GATAD2A: variants seen among roughly 807,000 people sequenced by gnomAD.
GATAD2A encodes GATA zinc finger domain containing 2A, also known as transcriptional repressor p66-alpha.
In GATAD2A, 12 loss-of-function variants were observed where a neutral mutation model predicts 68.5. That is an observed-to-expected ratio of 0.18 (90% confidence interval 0.11 to 0.28). The LOEUF is 0.28. Among genes scored for constraint, GATAD2A ranks in the 10% least tolerant of loss-of-function variants. GATAD2A has a pLI of 1.00. For synonymous variants in GATAD2A, 410 were observed against 375.3 expected, an observed-to-expected ratio of 1.09 and a Z score of -1.07; for missense variants, 755 against 868.5, an observed-to-expected ratio of 0.87 and a Z score of 1.64.
intron 2 of GATAD2A, among the ~76,000 whole-genome samples, chr19:19,487,434 G>T (rs1052920956): frequency 6.6e-6 from 1 of 152,056 alleles, no homozygotes; most frequent in Admixed American, 6.5e-5. Flanking sequence ...ATCTTCATAG[G>T]GGGGTGGGGT....
chr19:19,436,774 G>A (rs1019434742), intron 1 of GATAD2A, among the ~76,000 whole-genome samples: 1 of 152,216 alleles, frequency 6.6e-6, no homozygotes, highest in African/African-American at 2.4e-5. Flanking sequence ...GGTCAGCGAC[G>A]TTTTGGCCCA....
intron 2 of GATAD2A, among the ~76,000 whole-genome samples, chr19:19,487,887 G>A (rs565097556): frequency 2.4e-4 from 36 of 152,184 alleles, no homozygotes; most frequent in Non-Finnish European, 4.7e-4. Flanking sequence ...CACACAGCCA[G>A]CAGCCCACCC....
chr19:19,490,270 A>G (rs1374474507), intron 2 of GATAD2A, among the ~76,000 whole-genome samples: 5 of 152,150 alleles, frequency 3.3e-5, no homozygotes, highest in African/African-American at 1.2e-4. Flanking sequence ...GAGAGCAAGT[A>G]AAGCGGTTCC....
chr19:19,501,245 A>G lies in GATAD2A; in HGVS notation c.1332A>G (p.Thr444=), dbSNP rs763325116. Residue 444 remains threonine (T), a synonymous_variant, in exon 9 of 12, where the codon ACA becomes ACG. Coordinates refer to ENST00000683918, the MANE Select transcript of GATAD2A (RefSeq NM_001384528.1). The part of the protein sequence containing the change: ...SGAIMCENCM[T]TNQKKALKVE... The stretch of plus-strand genomic sequence containing the variant: ...CCATCATGTGTGAGAACTGCATGAC[A>G]ACCAACCAGAAGAAGGCGCTCAAGG... 6 of 1,613,460 alleles carry G rather than the reference A, an allele frequency of 3.7e-6. No individual in the cohort carries two copies. The South Asian group carries it at 5.5e-5, about 15-fold the overall frequency.
intron 2 of GATAD2A, 49 bp downstream of exon 2, chr19:19,465,663 A>C (rs768748226): frequency 9.0e-6 from 14 of 1,547,202 alleles, no homozygotes; most frequent in Non-Finnish European, 1.2e-5. Flanking sequence ...AGACAAGCCC[A>C]GTGTGCCCAG....
chr19:19,478,326 C>T (rs1057012545), intron 2 of GATAD2A, among the ~76,000 whole-genome samples: 11 of 152,110 alleles, frequency 7.2e-5, no homozygotes, highest in Non-Finnish European at 1.5e-5. Context: ...ACTGGCCAGG[C>T]GCAGTGGCTT....
At chr19:19,430,047 C>G (rs990787392) in intron 1 of GATAD2A, among the ~76,000 whole-genome samples, 6 of 152,132 alleles carry the variant, frequency 3.9e-5, no homozygotes, top group African/African-American at 1.4e-4. Context: ...CAGTTTCCTC[C>G]TGATCCCCCT....
intron 1 of GATAD2A, among the ~76,000 whole-genome samples, chr19:19,392,079 CTTTTTT>C (rs753791949): frequency 6.5e-5 from 7 of 107,064 alleles, no homozygotes; most frequent in Admixed American, 6.5e-4. Context: ...AGAGTTTTTC[CTTTTTT>C]TTTTTTTTTT....
rs747209678 is a variant in GATAD2A at position 19,494,334 on chromosome 19, C to T, written c.575C>T (p.Pro192Leu). 13 of 1,613,308 alleles carry T rather than the reference C, an allele frequency of 8.1e-6. No homozygotes were observed. The highest frequency in any genetic ancestry group is 1.1e-5 in the Non-Finnish European group (13 of 1,179,446). Residue 192 changes from proline (P) to leucine (L), a missense_variant, in exon 5 of 12, where the codon CCG (proline) becomes CTG (leucine). Coordinates refer to ENST00000683918, the MANE Select transcript of GATAD2A (RefSeq NM_001384528.1). ...GGGAGCACCGTGACCACCCCTCCCCCGCTTGTTCGGGGCACTCAGAACATT... is the reference window on the plus strand; with the variant it reads ...GGGAGCACCGTGACCACCCCTCCCCTGCTTGTTCGGGGCACTCAGAACATT... ...SVGSTVTTPP[P>L]LVRGTQNIPA...
intron 1 of GATAD2A, among the ~76,000 whole-genome samples, chr19:19,430,636 C>T (rs563481045): frequency 5.9e-5 from 9 of 152,150 alleles, no homozygotes; most frequent in African/African-American, 1.4e-4. Context: ...GAAGGGACAA[C>T]GGGGCTTCCT....
rs563286655 is a variant in GATAD2A at position 19,422,817 on chromosome 19, C to G, written c.-7+16798C>G. 6.9e-3 allele frequency among the ~76,000 whole-genome samples: 1,048 copies of G among 151,580 alleles called. 14 individuals are homozygous for G. The highest frequency in any genetic ancestry group is 0.024 in the African/African-American group (995 of 41,312). On this transcript the variant is annotated intron_variant, in intron 1 of 11. Coordinates refer to ENST00000683918, the MANE Select transcript of GATAD2A (RefSeq NM_001384528.1). ...AGCTCCGCCTCCCGGGTTCATGCCA[C>G]TCTTCTGCCTCAGCCTCCCAAGTAG...
At chr19:19,414,836 CCTT>C (rs2051400437) in intron 1 of GATAD2A, among the ~76,000 whole-genome samples, 2 of 127,398 alleles carry the variant, frequency 1.6e-5, no homozygotes, top group Admixed American at 7.5e-5. Flanking sequence ...CACCCTGCCC[CCTT>C]TTTTTTTTTT....
chr19:19,396,971 T>C (rs2049299653), intron 1 of GATAD2A, among the ~76,000 whole-genome samples: 1 of 152,028 alleles, frequency 6.6e-6, no homozygotes, highest in Non-Finnish European at 1.5e-5. Context: ...CATCCCAAAG[T>C]GTGGGATTAC....
intron 5 of GATAD2A, among the ~76,000 whole-genome samples, 173 bp downstream of exon 5, chr19:19,494,556 G>A (rs368469325): frequency 5.9e-5 from 9 of 152,342 alleles, no homozygotes; most frequent in Middle Eastern, 3.4e-3. Flanking sequence ...AGAAGCACAC[G>A]TGCACTTTCC....
chr19:19,408,620 A>AT (rs1420263949), intron 1 of GATAD2A, among the ~76,000 whole-genome samples: 1 of 152,072 alleles, frequency 6.6e-6, no homozygotes, highest in Non-Finnish European at 1.5e-5. Context: ...TGCATCATTT[A>AT]TTTTCTGAAT....
intron 2 of GATAD2A, among the ~76,000 whole-genome samples, chr19:19,474,955 G>A (rs142800457): frequency 6.6e-6 from 1 of 152,352 alleles, no homozygotes; most frequent in African/African-American, 2.4e-5. Flanking sequence ...TTTGATGGAA[G>A]CACGAGGCCA....
At chr19:19,450,315 G>A (rs2056235327) in intron 1 of GATAD2A, among the ~76,000 whole-genome samples, 2 of 152,212 alleles carry the variant, frequency 1.3e-5, no homozygotes, top group Middle Eastern at 3.2e-3. Context: ...TGCCCTGTTA[G>A]GAGGCGGTAG....
At chr19:19,444,615 G>C (rs1338649385) in intron 1 of GATAD2A, among the ~76,000 whole-genome samples, 3 of 152,110 alleles carry the variant, frequency 2.0e-5, no homozygotes, top group Non-Finnish European at 4.4e-5. Context: ...GATGCCTGTT[G>C]GTCCCAGCAC....
At chr19:19,408,480 G>A (rs2050546935) in intron 1 of GATAD2A, among the ~76,000 whole-genome samples, 1 of 152,190 alleles carries the variant, frequency 6.6e-6, no homozygotes, top group South Asian at 2.1e-4. Context: ...ATTAGGATTA[G>A]CAATAGTTTT....
Sources: allele counts gnomAD v4.1 joint callset (sites outside exome capture counted in the v4.1 genomes callset), GRCh38; gene constraint gnomAD v4.1.1; transcripts MANE v1.5; gene names NCBI Gene and HGNC (gene_info 2026-07-23, HGNC 2026-07-21).